Variants in CADM2 observed in about 807,000 individuals in gnomAD.
CADM2 encodes the protein immunoglobulin superfamily member 4D.
CADM2 carries 12 observed loss-of-function variants against 49.8 expected under a neutral mutation model. The observed-to-expected ratio is 0.24, with a 90% CI of 0.15 to 0.39. The LOEUF (loss-of-function observed/expected upper bound fraction) is 0.39. Ranked by LOEUF, CADM2 falls within the 10% of genes least tolerant of loss-of-function variation. The pLI, the probability that CADM2 is intolerant of heterozygous loss-of-function variation, is 1.00. For missense variants in CADM2, 378 were observed against 492.3 expected (o/e 0.77, Z 2.20); for synonymous variants, 214 against 175.4 (o/e 1.22, Z -1.74).
At chr3:85,972,336 C>CA (rs1726259468) in intron 8 of CADM2, among the ~76,000 whole-genome samples, 2 of 151,452 alleles carry the variant, frequency 1.3e-5, no homozygotes, top group Admixed American at 6.6e-5. Context: ...TACCTTTCAC[C>CA]AAAAAAGACA....
intron 8 of CADM2, among the ~76,000 whole-genome samples, chr3:86,011,153 G>C (rs2106910924): frequency 6.6e-6 from 1 of 152,026 alleles, no homozygotes; most frequent in East Asian, 1.9e-4. Flanking sequence ...GTCTTATAAA[G>C]ACAGCACAGA....
At chr3:85,319,838 T>G (rs1022348002) in intron 1 of CADM2, among the ~76,000 whole-genome samples, 2 of 152,168 alleles carry the variant, frequency 1.3e-5, no homozygotes, top group African/African-American at 4.8e-5. Flanking sequence ...GCTTAGTATC[T>G]GCATCAGGAA....
rs1288494668 is a variant in CADM2 at position 85,793,152 on chromosome 3, T to G, written c.89-8895T>G. Among the ~76,000 whole-genome samples, 3 of 152,336 alleles carry G rather than the reference T, an allele frequency of 2.0e-5. No homozygotes were observed. In the South Asian group the frequency reaches 6.2e-4, roughly 32 times the overall value. ...GCAACATTGAAGGAATAATGGCAACTGCTCAGTCTGCTATTTAAAGATAGG... is the reference window on the plus strand; with the variant it reads ...GCAACATTGAAGGAATAATGGCAACGGCTCAGTCTGCTATTTAAAGATAGG... On this transcript the variant is annotated intron_variant, in intron 2 of 9. Coordinates refer to ENST00000383699, the MANE Select transcript of CADM2 (RefSeq NM_001167675.2).
chr3:85,972,747 G>A (rs1726304355), intron 8 of CADM2, among the ~76,000 whole-genome samples: 1 of 151,710 alleles, frequency 6.6e-6, no homozygotes, highest in South Asian at 2.1e-4. Flanking sequence ...TGGAAAAAAG[G>A]TGCTGTACCA....
chr3:85,194,344 G>A (rs1052423265), intron 1 of CADM2, among the ~76,000 whole-genome samples: 1 of 151,996 alleles, frequency 6.6e-6, no homozygotes, highest in African/African-American at 2.4e-5. Flanking sequence ...AAAACATTGG[G>A]AAACTAATGA....
intron 1 of CADM2, among the ~76,000 whole-genome samples, chr3:85,017,063 AAGGAAC>A (rs1175728490): frequency 1.3e-5 from 2 of 152,208 alleles, no homozygotes; most frequent in African/African-American, 4.8e-5. Flanking sequence ...CCAAACATTG[AAGGAAC>A]AGGTAATCAG....
At chr3:84,988,736 T>G (rs1392916365) in intron 1 of CADM2, among the ~76,000 whole-genome samples, 1 of 152,172 alleles carries the variant, frequency 6.6e-6, no homozygotes, top group Non-Finnish European at 1.5e-5. Context: ...CATGTTAGTA[T>G]GCTTTAAACA....
Position 85,509,871 on chromosome 3 carries a change from A to G in CADM2, c.62-216651A>G, listed in dbSNP as rs1335372628. ...TAAAGTAGCACTCCAATAAATATAT[A>G]TAGTATTTAGCTTATTATAAAATAA... On this transcript the variant is annotated intron_variant, in intron 1 of 9. Coordinates refer to ENST00000383699, the MANE Select transcript of CADM2 (RefSeq NM_001167675.2). Among the ~76,000 whole-genome samples the G allele has an allele frequency of 7.9e-5, 12 of 152,042 alleles. No homozygotes were observed. In the South Asian group the frequency reaches 8.3e-4, roughly 11 times the overall value.
chr3:85,645,181 A>G (rs2064844668), intron 1 of CADM2, among the ~76,000 whole-genome samples: 1 of 152,130 alleles, frequency 6.6e-6, no homozygotes, highest in South Asian at 2.1e-4. Flanking sequence ...TTTATGAAAA[A>G]TAAAAATTGT....
At chr3:85,986,968 CTAAAGTTTTTAT>C (rs1464021204) in intron 8 of CADM2, among the ~76,000 whole-genome samples, 1 of 151,928 alleles carries the variant, frequency 6.6e-6, no homozygotes, top group Non-Finnish European at 1.5e-5. Flanking sequence ...GCATCGAGTG[CTAAAGTTTTTAT>C]TTATATTCTA....
intron 1 of CADM2, among the ~76,000 whole-genome samples, chr3:85,619,316 TA>T (rs976287023): frequency 3.5e-5 from 5 of 143,306 alleles, no homozygotes; most frequent in Admixed American, 7.1e-5. Flanking sequence ...TTTTCTTAAT[TA>T]AAAAAAAGAT....
chr3:85,943,079 T>C (rs1360571081), intron 7 of CADM2, among the ~76,000 whole-genome samples: 1 of 152,182 alleles, frequency 6.6e-6, no homozygotes, highest in African/African-American at 2.4e-5. Context: ...ATTTCTCTGA[T>C]GGCCAGTGAA....
In CADM2 at chr3:85,345,433, T is replaced by C. The variant is rs553781019; in HGVS notation, c.62-381089T>C. Among the ~76,000 whole-genome samples the C allele has an allele frequency of 5.3e-5, 8 of 151,830 alleles. No homozygotes were observed. The South Asian group carries it at 1.2e-3, about 24-fold the overall frequency. ...CACTTTTAAATGATCAAAGTTATCATGTCCAGTGGTAGAAAAAATCAAAAT... is the reference window on the plus strand; with the variant it reads ...CACTTTTAAATGATCAAAGTTATCACGTCCAGTGGTAGAAAAAATCAAAAT... On this transcript the variant is annotated intron_variant, in intron 1 of 9. Transcript: ENST00000383699.
chr3:85,882,315 C>T (rs1712933102), intron 3 of CADM2, among the ~76,000 whole-genome samples: 1 of 152,134 alleles, frequency 6.6e-6, no homozygotes. Flanking sequence ...CTACTTCATT[C>T]TCCTTGCAGG....
At chr3:85,967,625 C>T (rs1725630742) in intron 8 of CADM2, among the ~76,000 whole-genome samples, 1 of 151,558 alleles carries the variant, frequency 6.6e-6, no homozygotes, top group Admixed American at 6.6e-5. Context: ...AGAACTTCAT[C>T]ACAATACAAT....
intron 3 of CADM2, among the ~76,000 whole-genome samples, chr3:85,814,460 A>G (rs1223929205): frequency 6.6e-6 from 1 of 152,116 alleles, no homozygotes; most frequent in Non-Finnish European, 1.5e-5. Flanking sequence ...AATTCAAAGA[A>G]CTAGAGAAGC....
chr3:85,147,188 A>T (rs1245628643), intron 1 of CADM2, among the ~76,000 whole-genome samples: 1 of 149,390 alleles, frequency 6.7e-6, no homozygotes, highest in African/African-American at 2.5e-5. Context: ...GGCAGGAGAA[A>T]GGCGAGAACC....
At chr3:85,730,291 A>T (rs949432329) in intron 2 of CADM2, among the ~76,000 whole-genome samples, 1 of 151,858 alleles carries the variant, frequency 6.6e-6, no homozygotes, top group Non-Finnish European at 1.5e-5. Context: ...AAAATACAAA[A>T]AATAGGCAGG....
At chr3:85,210,460 G>T (rs1284093125) in intron 1 of CADM2, among the ~76,000 whole-genome samples, 2 of 152,064 alleles carry the variant, frequency 1.3e-5, no homozygotes, top group Non-Finnish European at 2.9e-5. Flanking sequence ...TTTGGTTTTG[G>T]TATCTGTTCC....
Sources: allele counts gnomAD v4.1 joint callset (sites outside exome capture counted in the v4.1 genomes callset), GRCh38; gene constraint gnomAD v4.1.1; transcripts MANE v1.5; gene names NCBI Gene and HGNC (gene_info 2026-07-23, HGNC 2026-07-21).